Variants in PHEX observed in about 807,000 individuals in gnomAD.
PHEX encodes the protein phosphate regulating endopeptidase X-linked.
PHEX carries 16 observed loss-of-function variants against 68.0 expected under a neutral mutation model. That is an observed-to-expected ratio of 0.24 (90% CI 0.16 to 0.36). The LOEUF is 0.36. PHEX is among the 10% of genes least tolerant of loss of function. The probability of loss-of-function intolerance (pLI) is 1.00; values close to 1 mark genes in which losing one functional copy is unlikely to be tolerated. For synonymous variants in PHEX, 208 were observed against 205.1 expected (o/e 1.01, Z -0.12); for missense variants, 480 against 575.5 (o/e 0.83, Z 1.70).
chrX:22,224,007 G>C (rs1330029901), intron 18 of PHEX, among the ~76,000 whole-genome samples: 1 of 112,239 alleles, frequency 8.9e-6, no homozygotes, highest in Non-Finnish European at 1.9e-5. Context: ...TTTTGAGACA[G>C]CGTCTCGCTG....
chrX:22,244,929 T>TACTA (rs1417624005), intron 20 of PHEX, among the ~76,000 whole-genome samples: 2 of 111,808 alleles, frequency 1.8e-5, no homozygotes, highest in Non-Finnish European at 3.8e-5. Flanking sequence ...AGGGGCAGAC[T>TACTA]ACTAACTTCT....
At chrX:22,189,203 A>G (rs1934122173) in intron 14 of PHEX, among the ~76,000 whole-genome samples, 1 of 112,509 alleles carries the variant, frequency 8.9e-6, no homozygotes, top group Admixed American at 9.4e-5. Context: ...GGCTGCTTCC[A>G]AATCTTGGCT....
intron 3 of PHEX, among the ~76,000 whole-genome samples, chrX:22,055,129 A>G (rs1928019293): frequency 2.0e-5 from 2 of 100,355 alleles, no homozygotes; most frequent in African/African-American, 7.1e-5. Context: ...GAGCCAAGAT[A>G]GCACCACTGC....
rs370610267 is a variant in PHEX, at chrX:22,077,670, G to A, written c.631G>A (p.Asp211Asn). The A allele has an allele frequency of 3.3e-4, 398 of 1,204,629 alleles. 1 individual carries two copies. Among genetic ancestry groups the A allele is most frequent in the Non-Finnish European group, 3.3e-4 (298 of 890,365 alleles). ...SVFIRLYVSP[D>N]DKASNEHILK... is the part of the protein sequence containing the mutation. ...GTTCATCCGTTTGTATGTGTCCCCT[G>A]ATGACAAAGCATCCAATGAACATAT... The change falls in exon 5 of 22, where the codon GAT becomes AAT. Residue 211 changes from aspartate (D) to asparagine (N), a missense_variant. By Grantham distance (23) the Asp-to-Asn change is conservative. Coordinates refer to ENST00000379374, the MANE Select transcript of PHEX (RefSeq NM_000444.6).
chrX:22,214,529 C>CT (rs1935024194), intron 16 of PHEX, among the ~76,000 whole-genome samples: 1 of 112,155 alleles, frequency 8.9e-6, no homozygotes, highest in Non-Finnish European at 1.9e-5. Flanking sequence ...GGAGCTCAGT[C>CT]TTGCTGGGGA....
At chrX:22,209,552 C>A (rs1934822576) in intron 15 of PHEX, among the ~76,000 whole-genome samples, 1 of 109,775 alleles carries the variant, frequency 9.1e-6, no homozygotes, top group Non-Finnish European at 1.9e-5. Context: ...AAATTGATCT[C>A]CAAAATGCTT....
At chrX:22,211,106 T>C (rs184331678) in intron 15 of PHEX, among the ~76,000 whole-genome samples, 1 of 112,143 alleles carries the variant, frequency 8.9e-6, no homozygotes, top group African/African-American at 3.2e-5. Flanking sequence ...TCAGCTGTGA[T>C]GACTTGTAAG....
chrX:22,247,041 T>A (rs2301331), intron 21 of PHEX, among the ~76,000 whole-genome samples: 36,643 of 110,316 alleles, frequency 0.33, 4,676 homozygotes, highest in Middle Eastern at 0.4. Context: ...ACAATCAAAG[T>A]GCTGAGTAGG....
chrX:22,234,304 C>T (rs1935882461), intron 20 of PHEX, among the ~76,000 whole-genome samples: 1 of 112,709 alleles, frequency 8.9e-6, no homozygotes, highest in African/African-American at 3.2e-5. Flanking sequence ...TGACCCTTAG[C>T]AGAGCTCGAC....
chrX:22,132,795 A>G (rs1453198122), intron 11 of PHEX, among the ~76,000 whole-genome samples: 2 of 111,847 alleles, frequency 1.8e-5, no homozygotes, highest in East Asian at 5.6e-4. Flanking sequence ...GTCATAATCT[A>G]TGGTGAATTC....
intron 15 of PHEX, among the ~76,000 whole-genome samples, chrX:22,211,874 C>A (rs1391643406): frequency 8.9e-6 from 1 of 111,829 alleles, no homozygotes; most frequent in Non-Finnish European, 1.9e-5. Flanking sequence ...TACAGGGGAA[C>A]TCCCCTTTAT....
At chrX:22,059,463 C>G (rs1406688703) in intron 3 of PHEX, among the ~76,000 whole-genome samples, 3 of 112,216 alleles carry the variant, frequency 2.7e-5, no homozygotes, top group African/African-American at 9.7e-5. Context: ...ATGAATTAAT[C>G]AAATAGCACA....
At chrX:22,050,618 A>G (rs1356940339) in intron 3 of PHEX, among the ~76,000 whole-genome samples, 2 of 109,856 alleles carry the variant, frequency 1.8e-5, no homozygotes, top group Admixed American at 9.8e-5. Context: ...AATAATAGCA[A>G]TGATAATGGG....
intron 12 of PHEX, among the ~76,000 whole-genome samples, chrX:22,165,796 T>C (rs1933294376): frequency 8.9e-6 from 1 of 112,026 alleles, no homozygotes; most frequent in African/African-American, 3.2e-5. Context: ...CACATGGAAC[T>C]GTAAAGTTTC....
At chrX:22,126,757 A>G (rs1181795487) in intron 11 of PHEX, among the ~76,000 whole-genome samples, 1 of 109,985 alleles carries the variant, frequency 9.1e-6, no homozygotes. Context: ...AAAAGGAAGA[A>G]CCTATTTTTA....
chrX:22,135,714 T>C (rs188552124), intron 12 of PHEX, among the ~76,000 whole-genome samples: 5 of 111,832 alleles, frequency 4.5e-5, no homozygotes, highest in Middle Eastern at 4.6e-3. Flanking sequence ...GTTCTTCTAA[T>C]ATTAGACATG....
chrX:22,186,077 T>TA (rs1569421908), intron 14 of PHEX, among the ~76,000 whole-genome samples: 2 of 111,673 alleles, frequency 1.8e-5, no homozygotes, highest in Non-Finnish European at 3.8e-5. Context: ...TTCATGTAGT[T>TA]ACAGTCAGAT....
At chrX:22,111,929 A>G (rs1364168779) in intron 10 of PHEX, among the ~76,000 whole-genome samples, 1 of 112,220 alleles carries the variant, frequency 8.9e-6, no homozygotes, top group African/African-American at 3.2e-5. Flanking sequence ...ATTTGTAACT[A>G]TCTTTTATTC....
rs748792378 is a variant in PHEX, at chrX:22,226,495, G to A, written c.1952G>A (p.Arg651Gln). 7.9e-5 allele frequency: 95 copies of A among 1,200,938 alleles called. No individual in the cohort carries two copies. Among genetic ancestry groups the A allele is most frequent in the South Asian group, 3.5e-4 (20 of 56,478 alleles). ...GENIADNGGL[R>Q]EAFRAYRKWI... is the part of the protein sequence containing the mutation. ...AATATTGCTGATAATGGAGGCCTGC[G>A]GGAAGCTTTTAGGGTATGCGCTGCT... Residue 651 changes from arginine to glutamine, a missense_variant, in exon 19 of 22, where the codon CGG becomes CAG. By Grantham distance (43) the Arg-to-Gln change is conservative. Transcript: ENST00000379374.
Sources: gnomAD v4.1 joint callset for allele counts (sites outside exome capture counted in the v4.1 genomes callset) on GRCh38, gnomAD v4.1.1 for gene constraint, MANE v1.5 for transcripts, NCBI Gene and HGNC (gene_info 2026-07-23, HGNC 2026-07-21) for gene names.